Variants in FUT9 observed in about 807,000 individuals in gnomAD.
FUT9 encodes 4-galactosyl-N-acetylglucosaminide 3-alpha-L-fucosyltransferase 9.
In FUT9, 15 loss-of-function variants were observed where a neutral mutation model predicts 29.7. The ratio of observed to expected loss-of-function variants is 0.51; its 90% confidence interval spans 0.34 to 0.78. The LOEUF (loss-of-function observed/expected upper bound fraction) is 0.78, where lower values mean the gene tolerates loss of function less well. Ranked by LOEUF, FUT9 falls within the 30% of genes least tolerant of loss-of-function variation. The probability of loss-of-function intolerance (pLI) is 0.01; values close to 1 mark genes in which losing one functional copy is unlikely to be tolerated. For synonymous variants in FUT9, 169 were observed against 153.7 expected, an observed-to-expected ratio of 1.10 and a Z score of -0.74; for missense variants, 319 against 425.4, an observed-to-expected ratio of 0.75 and a Z score of 2.20.
intron 1 of FUT9, among the ~76,000 whole-genome samples, chr6:96,090,783 A>C (rs752824008): frequency 6.6e-6 from 1 of 152,002 alleles, no homozygotes; most frequent in African/African-American, 2.4e-5. Context: ...AGACACACTC[A>C]TTGGTCATAT....
At chr6:96,053,350 T>C (rs187654904) in intron 1 of FUT9, among the ~76,000 whole-genome samples, 2 of 152,226 alleles carry the variant, frequency 1.3e-5, no homozygotes, top group Non-Finnish European at 2.9e-5. Context: ...AAGGAAGTCT[T>C]TCTATTTTCA....
intron 1 of FUT9, among the ~76,000 whole-genome samples, chr6:96,027,159 T>C (rs1181379139): frequency 6.6e-6 from 1 of 151,680 alleles, no homozygotes. Flanking sequence ...ACATTTCAAA[T>C]TTTGCATTTA....
Position 96,208,132 on chromosome 6 carries a change from G to T in FUT9, c.*3897G>T, listed in dbSNP as rs1343964366. On this transcript the variant is annotated 3_prime_UTR_variant, in exon 3 of 3. Coordinates refer to ENST00000302103, the MANE Select transcript of FUT9 (RefSeq NM_006581.4). ...GATGTATAAAGCAACAGAATATTTA[G>T]GAATTATTTGCGGAGGCTTTAAATT... 6.0e-6 allele frequency: 1 copy of T among 166,880 alleles called. No individual in the cohort carries two copies. Among genetic ancestry groups the T allele is most frequent in the Admixed American group, 6.6e-5 (1 of 15,254 alleles). 10.3% of individuals were successfully genotyped at this position (166,880 alleles called of 1,614,324 possible).
At chr6:96,017,634 C>G (rs567152649) in intron 1 of FUT9, among the ~76,000 whole-genome samples, 1 of 152,184 alleles carries the variant, frequency 6.6e-6, no homozygotes, top group African/African-American at 2.4e-5. Context: ...CCATGGAACC[C>G]TTGGTCACAG....
rs535487372 is a variant in FUT9, at chr6:96,106,308, G to A, written c.-97-7731G>A. Among the ~76,000 whole-genome samples, 4 of 150,662 alleles carry A rather than the reference G, an allele frequency of 2.7e-5. No homozygotes were observed. The East Asian group carries it at 7.8e-4, about 29-fold the overall frequency. On this transcript the variant is annotated intron_variant, in intron 1 of 2. Coordinates refer to ENST00000302103, the MANE Select transcript of FUT9 (RefSeq NM_006581.4). ...TTGGGAGGGAGGGTTATTGGGAGAA[G>A]AGCAACAGCATATCAAAACCCTGCT...
intron 1 of FUT9, among the ~76,000 whole-genome samples, chr6:96,078,195 T>C (rs887965604): frequency 6.6e-6 from 1 of 152,066 alleles, no homozygotes; most frequent in African/African-American, 2.4e-5. Context: ...GGAGATTTCC[T>C]CAACTGTGTT....
At chr6:96,107,831 T>C (rs1161624311) in intron 1 of FUT9, among the ~76,000 whole-genome samples, 1 of 152,164 alleles carries the variant, frequency 6.6e-6, no homozygotes, top group Non-Finnish European at 1.5e-5. Flanking sequence ...TACATCCTAT[T>C]CACTTTAACT....
At chr6:96,100,528 CAT>C (rs796273601) in intron 1 of FUT9, among the ~76,000 whole-genome samples, 50 of 152,172 alleles carry the variant, frequency 3.3e-4, no homozygotes, top group African/African-American at 1.0e-3. Flanking sequence ...AAGAATTTCA[CAT>C]GTTTTAATAG....
Position 96,208,432 on chromosome 6 carries a change from C to T in FUT9, c.*4197C>T, listed in dbSNP as rs1429202817. 1.8e-5 allele frequency: 3 copies of T among 166,662 alleles called. No individual in the cohort carries two copies. The highest frequency in any genetic ancestry group is 4.8e-5 in the African/African-American group (2 of 41,394). The allele number at this position is 166,662 out of a possible 1,614,324, so 10.3% of individuals were successfully genotyped here. On this transcript the variant is annotated 3_prime_UTR_variant, in exon 3 of 3. Transcript: ENST00000302103. ...CAATCGAGCTGTTAAATATAACAAACATCAGAATCTAAAGGATAAGCACAG... is the reference window on the plus strand; with the variant it reads ...CAATCGAGCTGTTAAATATAACAAATATCAGAATCTAAAGGATAAGCACAG...
intron 2 of FUT9, among the ~76,000 whole-genome samples, chr6:96,186,771 G>A (rs1773413257): frequency 6.6e-6 from 1 of 152,088 alleles, no homozygotes; most frequent in Non-Finnish European, 1.5e-5. Context: ...CCTGAGGACA[G>A]AAGATCCATG....
At chr6:96,136,565 T>C (rs1271003912) in intron 2 of FUT9, among the ~76,000 whole-genome samples, 1 of 152,018 alleles carries the variant, frequency 6.6e-6, no homozygotes, top group Non-Finnish European at 1.5e-5. Context: ...CATTTTAATG[T>C]ACCTAACATT....
In FUT9 at chr6:96,212,054, C is replaced by T. The variant is rs142679943; in HGVS notation, c.*7819C>T. 1.3e-3 allele frequency: 531 copies of T among 412,340 alleles called. 3 individuals carry two copies. Among genetic ancestry groups the T allele is most frequent in the African/African-American group, 0.01 (504 of 48,706 alleles). 25.5% of individuals were successfully genotyped at this position (412,340 alleles called of 1,614,324 possible). The stretch of plus-strand genomic sequence containing the variant: ...TAACATGCTAACTTTCCACACATGG[C>T]TGCATTCCATTTTGATTAATGAGGG... On this transcript the variant is annotated 3_prime_UTR_variant, in exon 3 of 3. Transcript: ENST00000302103.
At chr6:96,184,598 C>A (rs1773371500) in intron 2 of FUT9, among the ~76,000 whole-genome samples, 1 of 152,012 alleles carries the variant, frequency 6.6e-6, no homozygotes, top group Admixed American at 6.6e-5. Flanking sequence ...GAGCTATGAA[C>A]TTTCCTCTTA....
At chr6:96,111,053 T>C (rs1771797261) in intron 1 of FUT9, among the ~76,000 whole-genome samples, 1 of 152,060 alleles carries the variant, frequency 6.6e-6, no homozygotes, top group Non-Finnish European at 1.5e-5. Context: ...AGATGAAAAG[T>C]AAAAACACTT....
intron 2 of FUT9, among the ~76,000 whole-genome samples, chr6:96,118,897 T>G (rs577239247): frequency 4.3e-4 from 66 of 152,094 alleles, no homozygotes; most frequent in Non-Finnish European, 8.4e-4. Context: ...CAAAAATATT[T>G]AAAAATAGGA....
chr6:96,141,310 T>G lies in FUT9; in HGVS notation c.-9+27183T>G, dbSNP rs1047684254. Among the ~76,000 whole-genome samples the G allele has an allele frequency of 9.2e-5, 14 of 152,352 alleles. 1 individual carries two copies. Among genetic ancestry groups the G allele is most frequent in the Admixed American group, 5.2e-4 (8 of 15,298 alleles). ...GAATACTACTAGTTATCAGAGATTT[T>G]TATTAGCTATTCTATGAATAAAGAA... On this transcript the variant is annotated intron_variant, in intron 2 of 2. Coordinates refer to ENST00000302103, the MANE Select transcript of FUT9 (RefSeq NM_006581.4).
chr6:96,089,532 T>C (rs1048878317), intron 1 of FUT9, among the ~76,000 whole-genome samples: 14 of 152,232 alleles, frequency 9.2e-5, no homozygotes, highest in Non-Finnish European at 1.8e-4. Flanking sequence ...CTTCTTGTTA[T>C]TGTCACAGCT....
At chr6:96,034,260 A>C (rs1388416154) in intron 1 of FUT9, among the ~76,000 whole-genome samples, 1 of 151,672 alleles carries the variant, frequency 6.6e-6, no homozygotes, top group East Asian at 1.9e-4. Flanking sequence ...TCATCATTAG[A>C]AGGAGTAGAG....
intron 1 of FUT9, among the ~76,000 whole-genome samples, chr6:96,054,676 G>A (rs1425389698): frequency 2.0e-5 from 3 of 152,152 alleles, no homozygotes; most frequent in Non-Finnish European, 4.4e-5. Flanking sequence ...GGAAGTTTAG[G>A]CAGAAATATT....
Sources: allele counts gnomAD v4.1 joint callset (sites outside exome capture counted in the v4.1 genomes callset), GRCh38; gene constraint gnomAD v4.1.1; transcripts MANE v1.5; gene names NCBI Gene and HGNC (gene_info 2026-07-23, HGNC 2026-07-21).